Variants in GFPT1 observed in about 807,000 individuals in gnomAD.
GFPT1 encodes glutamine--fructose-6-phosphate transaminase 1.
A neutral mutation model predicts 92.0 loss-of-function variants in GFPT1; 40 were observed. That is an observed-to-expected ratio of 0.43 (90% confidence interval 0.34 to 0.57). The LOEUF is 0.57. GFPT1 is among the 20% of genes least tolerant of loss of function. The pLI, the probability that GFPT1 is intolerant of heterozygous loss-of-function variation, is 0.02. For synonymous variants in GFPT1, 269 were observed against 280.6 expected (o/e 0.96, Z 0.41); for missense variants, 448 against 869.1 (o/e 0.52, Z 6.09).
At chr2:69,380,930 T>C (rs1671993900) in intron 1 of GFPT1, among the ~76,000 whole-genome samples, 1 of 152,218 alleles carries the variant, frequency 6.6e-6, no homozygotes, top group Non-Finnish European at 1.5e-5. Flanking sequence ...ATCCTCATTT[T>C]CTCTTCCCAG....
intron 6 of GFPT1, among the ~76,000 whole-genome samples, chr2:69,356,921 C>A (rs1381931251): frequency 6.6e-6 from 1 of 152,062 alleles, no homozygotes; most frequent in Non-Finnish European, 1.5e-5. Context: ...TTAATAGAGA[C>A]AGGGTTTCAC....
chr2:69,348,612 T>G (rs1054268260), intron 10 of GFPT1, among the ~76,000 whole-genome samples: 1 of 152,112 alleles, frequency 6.6e-6, no homozygotes, highest in African/African-American at 2.4e-5. Flanking sequence ...CATTACCAAG[T>G]CCTGAAATTT....
intron 9 of GFPT1, among the ~76,000 whole-genome samples, chr2:69,351,631 CA>C (rs1558753115): frequency 2.0e-5 from 3 of 151,704 alleles, no homozygotes; most frequent in Non-Finnish European, 4.4e-5. Context: ...AAATAAAAGC[CA>C]AAAAAAGTAT....
intron 4 of GFPT1, among the ~76,000 whole-genome samples, chr2:69,361,348 T>C (rs1009734452): frequency 1.3e-5 from 2 of 150,836 alleles, no homozygotes; most frequent in African/African-American, 2.4e-5. Flanking sequence ...CTTGGGAGGC[T>C]TGAGGCAGAA....
At chr2:69,353,390 T>A (rs576639637) in intron 9 of GFPT1, among the ~76,000 whole-genome samples, 1 of 151,968 alleles carries the variant, frequency 6.6e-6, no homozygotes, top group Admixed American at 6.6e-5. Context: ...AAAAATTGGC[T>A]GGGGGTGGTG....
At position 69,337,183 on chromosome 2, in the gene GFPT1, G is replaced by A. The variant is rs149387170; in HGVS notation, c.1482+715C>T. Among the ~76,000 whole-genome samples the A allele has an allele frequency of 6.1e-3, 918 of 150,504 alleles. 11 individuals are homozygous for A. Among genetic ancestry groups the A allele is most frequent in the African/African-American group, 0.02 (821 of 40,912 alleles). On this transcript the variant is annotated intron_variant, in intron 15 of 19. Transcript: ENST00000357308. ...AGGTTCAAGTGATTCTCTTGCCTCAGCCTCCCGGGTATGCTGGGATTACAG... is the reference window on the plus strand; with the variant it reads ...AGGTTCAAGTGATTCTCTTGCCTCAACCTCCCGGGTATGCTGGGATTACAG...
chr2:69,371,242 ATT>A (rs1383632814), intron 2 of GFPT1: 11 of 137,626 alleles, frequency 8.0e-5, no homozygotes, highest in Non-Finnish European at 8.0e-5. Flanking sequence ...TGCGTGGCTA[ATT>A]TTTTTTTTTT....
chr2:69,336,032 C>CAA (rs761461338), intron 15 of GFPT1, among the ~76,000 whole-genome samples: 41 of 82,162 alleles, frequency 5.0e-4, no homozygotes, highest in African/African-American at 1.4e-3. Flanking sequence ...ACCCTGTCTC[C>CAA]AAAAAAAAAA....
At position 69,328,521 on chromosome 2, in the gene GFPT1, T is replaced by C. The variant is rs921723468; in HGVS notation, c.1726-83A>G. On this transcript the variant is annotated intron_variant, in intron 17 of 19. Transcript: ENST00000357308. ...TAAATATTATAAAAAGCATCTGATATGTCAAGCCACTGTCTATCTATCCAA... is the reference window on the plus strand; with the variant it reads ...TAAATATTATAAAAAGCATCTGATACGTCAAGCCACTGTCTATCTATCCAA... 54 of 967,218 alleles carry C rather than the reference T, an allele frequency of 5.6e-5. No homozygotes were observed. In the East Asian group the frequency reaches 6.4e-4, roughly 12 times the overall value. 59.9% of individuals were successfully genotyped at this position (967,218 alleles called of 1,614,324 possible). A position where few individuals can be genotyped will look rare whatever the true frequency, so the allele number is the denominator to read the frequency against.
intron 7 of GFPT1, among the ~76,000 whole-genome samples, chr2:69,355,569 C>CT (rs1671317047): frequency 6.6e-6 from 1 of 152,188 alleles, no homozygotes; most frequent in Non-Finnish European, 1.5e-5. Flanking sequence ...AAAATAGTTA[C>CT]TATCCGGCCC....
intron 1 of GFPT1, among the ~76,000 whole-genome samples, chr2:69,377,994 CA>C (rs1671919020): frequency 6.6e-6 from 1 of 152,192 alleles, no homozygotes; most frequent in Non-Finnish European, 1.5e-5. Flanking sequence ...CTTGTCTTAT[CA>C]AAACTCCCAA....
At chr2:69,339,803 CAAT>C (rs1354952824) in intron 13 of GFPT1, among the ~76,000 whole-genome samples, 1 of 152,082 alleles carries the variant, frequency 6.6e-6, no homozygotes, top group Non-Finnish European at 1.5e-5. Context: ...CATTTTTTAA[CAAT>C]ATTACAACAT....
chr2:69,356,304 T>TAACA (rs1671336487), intron 7 of GFPT1, among the ~76,000 whole-genome samples, 192 bp downstream of exon 7: 1 of 152,176 alleles, frequency 6.6e-6, no homozygotes, highest in Non-Finnish European at 1.5e-5. Flanking sequence ...TGTATTTGCT[T>TAACA]TCTTCAGGGA....
rs886056260 is a variant in GFPT1 at position 69,342,140 on chromosome 2, A to T, written c.1203+12T>A. On this transcript the variant is annotated intron_variant, in intron 13 of 19. Transcript: ENST00000357308. Reference sequence around the variant, plus strand: ...AATATTCAACATAATTAAAATTTTAAAAAGCACTTACTGCTACACCAGCAT... The same window carrying T: ...AATATTCAACATAATTAAAATTTTATAAAGCACTTACTGCTACACCAGCAT... The T allele has an allele frequency of 3.3e-6, 5 of 1,501,372 alleles. No homozygotes were observed. Among genetic ancestry groups the T allele is most frequent in the Non-Finnish European group, 4.6e-6 (5 of 1,086,922 alleles). 93.0% of individuals were successfully genotyped at this position (1,501,372 alleles called of 1,614,324 possible).
intron 3 of GFPT1, among the ~76,000 whole-genome samples, chr2:69,368,929 G>C (rs915816021): frequency 6.6e-6 from 1 of 152,184 alleles, no homozygotes; most frequent in South Asian, 2.1e-4. Context: ...TATCTACTCA[G>C]AAGGTCCTCC....
intron 13 of GFPT1, among the ~76,000 whole-genome samples, chr2:69,339,748 C>T (rs1225828420): frequency 6.6e-6 from 1 of 152,050 alleles, no homozygotes; most frequent in African/African-American, 2.4e-5. Flanking sequence ...TGAACAGAAT[C>T]GTTTTACTTG....
chr2:69,366,644 C>T (rs1387938160), intron 3 of GFPT1, among the ~76,000 whole-genome samples: 1 of 152,216 alleles, frequency 6.6e-6, no homozygotes, highest in Non-Finnish European at 1.5e-5. Flanking sequence ...CTCCATAAAG[C>T]TCAATCCTAC....
chr2:69,385,548 T>A (rs536438043), intron 1 of GFPT1, among the ~76,000 whole-genome samples: 356 of 149,976 alleles, frequency 2.4e-3, no homozygotes, highest in African/African-American at 4.7e-3. Context: ...TTATTTATTT[T>A]TTTTTCAGTA....
intron 13 of GFPT1, 54 bp from the exon 14 acceptor site, chr2:69,338,619 C>G (rs1478727061): frequency 1.3e-6 from 2 of 1,593,922 alleles, no homozygotes; most frequent in African/African-American, 2.7e-5. Context: ...ACTCTTTCAT[C>G]GGACTTCTTT....
Sources: gnomAD v4.1 joint callset for allele counts (sites outside exome capture counted in the v4.1 genomes callset) on GRCh38, gnomAD v4.1.1 for gene constraint, MANE v1.5 for transcripts, NCBI Gene and HGNC (gene_info 2026-07-23, HGNC 2026-07-21) for gene names.